ARHGAP31: variants seen among roughly 807,000 people sequenced by gnomAD.
ARHGAP31 encodes Rho GTPase activating protein 31.
Under a neutral mutation model 113.9 loss-of-function variants are expected in ARHGAP31, and 34 were observed. The observed-to-expected ratio is 0.30, with a 90% CI of 0.23 to 0.40. ARHGAP31 has a LOEUF of 0.40. ARHGAP31 is among the 10% of genes least tolerant of loss of function. The probability of loss-of-function intolerance (pLI) is 1.00; values close to 1 mark genes in which losing one functional copy is unlikely to be tolerated. For missense variants in ARHGAP31, 1,548 were observed against 1,767.1 expected (o/e 0.88, Z 2.22); for synonymous variants, 650 against 684.8 (o/e 0.95, Z 0.79).
rs1426931415 is a variant in ARHGAP31, at chr3:119,401,907, C to T, written c.1155C>T (p.Thr385=). The change falls in exon 10 of 12, where the codon ACC becomes ACT. Residue 385 remains threonine (T), a synonymous_variant. Coordinates refer to ENST00000264245, the MANE Select transcript of ARHGAP31 (RefSeq NM_020754.4). ...CAACAAAGATGCACTCCACCGGCAC[C>T]GGCAGCTCATGTGACCTCACCAAGC... is the stretch of plus-strand genomic sequence containing the variant. ...IPATKMHSTG[T]GSSCDLTKQE... is the part of the protein sequence containing the mutation. The T allele has an allele frequency of 1.9e-6, 3 of 1,614,112 alleles. No individual in the cohort carries two copies. Among genetic ancestry groups the T allele is most frequent in the South Asian group, 1.1e-5 (1 of 91,078 alleles).
At chr3:119,337,101 G>A (rs891736406) in intron 1 of ARHGAP31, among the ~76,000 whole-genome samples, 3 of 152,200 alleles carry the variant, frequency 2.0e-5, no homozygotes, top group African/African-American at 7.2e-5. Context: ...GTGAATAATG[G>A]TGCTGTGTCC....
chr3:119,392,795 C>A (rs1228690584), intron 7 of ARHGAP31, among the ~76,000 whole-genome samples: 1 of 152,260 alleles, frequency 6.6e-6, no homozygotes, highest in African/African-American at 2.4e-5. Context: ...CCAGGCCAGA[C>A]TCTTTTCCAG....
At chr3:119,351,274 C>T (rs950060114) in intron 1 of ARHGAP31, among the ~76,000 whole-genome samples, 1 of 152,174 alleles carries the variant, frequency 6.6e-6, no homozygotes, top group African/African-American at 2.4e-5. Context: ...TTATCTAAGT[C>T]GTTCTCTCTC....
intron 3 of ARHGAP31, 33 bp from the exon 4 acceptor site, chr3:119,380,871 A>G (rs965473995): frequency 1.9e-6 from 3 of 1,598,544 alleles, no homozygotes; most frequent in South Asian, 1.1e-5. Context: ...GCTCTCAAGC[A>G]CTCACCAGGC....
intron 6 of ARHGAP31, among the ~76,000 whole-genome samples, chr3:119,388,308 T>TATATATATATATATATATA (rs1553765977): frequency 0.04 from 5,348 of 133,168 alleles, 261 homozygotes; most frequent in East Asian, 0.064. Flanking sequence ...TGTATAATTT[T>TATATATATATATATATATA]TATATATATA....
At chr3:119,359,733 T>TG (rs201108597) in intron 1 of ARHGAP31, among the ~76,000 whole-genome samples, 55 of 152,022 alleles carry the variant, frequency 3.6e-4, no homozygotes, top group African/African-American at 1.2e-3. Flanking sequence ...TCTTGGATTC[T>TG]GGGGGGGAAA....
chr3:119,318,239 C>T (rs956073252), intron 1 of ARHGAP31, among the ~76,000 whole-genome samples: 1 of 152,280 alleles, frequency 6.6e-6, no homozygotes, highest in East Asian at 1.9e-4. Context: ...CACTGTACCC[C>T]AGCCTGGGTG....
At chr3:119,344,217 A>G (rs950875783) in intron 1 of ARHGAP31, among the ~76,000 whole-genome samples, 2 of 152,276 alleles carry the variant, frequency 1.3e-5, no homozygotes, top group Non-Finnish European at 1.5e-5. Context: ...TTCATTATTT[A>G]TCCGAAATTC....
chr3:119,415,820 GCT>G lies in ARHGAP31; in HGVS notation c.3895_3896del (p.Ser1299HisfsTer35). On this transcript the variant is annotated frameshift_variant, in exon 12 of 12. Transcript: ENST00000264245. LOFTEE classifies it high-confidence loss of function. The part of the protein sequence containing the change: ...LSPEPGSSNL[L>X]STQDAVVQCR... Reference sequence around the variant, plus strand: ...CTCCAGAACCAGGCTCGTCTAACCTGCTCTCCACCCAGGATGCAGTAGTGCAA... The same window carrying G: ...CTCCAGAACCAGGCTCGTCTAACCTGCTCCACCCAGGATGCAGTAGTGCAA... 6.2e-7 allele frequency: 1 copy of G among 1,614,230 alleles called. No individual in the cohort carries two copies. Among genetic ancestry groups the G allele is most frequent in the Non-Finnish European group, 8.5e-7 (1 of 1,180,042 alleles).
At chr3:119,352,074 A>G (rs2080115166) in intron 1 of ARHGAP31, among the ~76,000 whole-genome samples, 1 of 152,334 alleles carries the variant, frequency 6.6e-6, no homozygotes, top group Middle Eastern at 3.4e-3. Context: ...TTCTCCACAG[A>G]CAGTAGAAAG....
intron 11 of ARHGAP31, 50 bp downstream of exon 11, chr3:119,409,826 A>G: frequency 1.3e-6 from 2 of 1,525,302 alleles, no homozygotes; most frequent in Non-Finnish European, 1.8e-6. Context: ...ATTTTTTCCC[A>G]AGGGCTCTTG....
intron 6 of ARHGAP31, among the ~76,000 whole-genome samples, chr3:119,388,969 C>A (rs770920420): frequency 4.6e-5 from 7 of 152,042 alleles, no homozygotes; most frequent in Non-Finnish European, 1.0e-4. Context: ...CCAGTCTGGC[C>A]AACATGGAGA....
chr3:119,347,674 T>C (rs774497441), intron 1 of ARHGAP31, among the ~76,000 whole-genome samples: 3 of 152,178 alleles, frequency 2.0e-5, no homozygotes, highest in Non-Finnish European at 4.4e-5. Context: ...TGTCCTTGGG[T>C]ACCCAGAGTG....
intron 1 of ARHGAP31, chr3:119,298,808 C>T (rs187446036): frequency 2.2e-5 from 4 of 183,858 alleles, no homozygotes; most frequent in Non-Finnish European, 2.4e-5. Context: ...TAGAGGCCAC[C>T]GCTGTCAGGG....
intron 1 of ARHGAP31, among the ~76,000 whole-genome samples, chr3:119,327,930 G>T (rs533816317): frequency 1.1e-4 from 17 of 152,154 alleles, no homozygotes; most frequent in Non-Finnish European, 1.8e-4. Flanking sequence ...AATCCATCTT[G>T]CTACTGTTTA....
chr3:119,381,892 C>A (rs1038418471), intron 4 of ARHGAP31, among the ~76,000 whole-genome samples: 51 of 150,184 alleles, frequency 3.4e-4, no homozygotes, highest in Non-Finnish European at 4.9e-4. Context: ...AGGATGAGGC[C>A]AGAGAATGGC....
chr3:119,324,709 A>G (rs2079826535), intron 1 of ARHGAP31, among the ~76,000 whole-genome samples: 1 of 152,232 alleles, frequency 6.6e-6, no homozygotes, highest in South Asian at 2.1e-4. Context: ...GTGGAAAAAC[A>G]AAGAGTGGGG....
chr3:119,309,650 C>G (rs2079661581), intron 1 of ARHGAP31, among the ~76,000 whole-genome samples: 1 of 151,968 alleles, frequency 6.6e-6, no homozygotes, highest in Non-Finnish European at 1.5e-5. Context: ...GTCCCAGTTA[C>G]TCAGGAGGCT....
Position 119,413,998 on chromosome 3 carries a change from T to C in ARHGAP31, c.2069T>C (p.Leu690Pro), listed in dbSNP as rs2080742985. The change falls in exon 12 of 12, where the codon CTG (leucine) becomes CCG (proline). Residue 690 changes from leucine to proline, a missense_variant. Transcript: ENST00000264245. ...ATTCAGCCTATTCTCGAGTCGAGTC[T>C]GGGGCCCTTTATTCCCTCAGAGCCT... is the stretch of plus-strand genomic sequence containing the variant. ...SPIQPILESS[L>P]GPFIPSEPPG... The C allele has an allele frequency of 5.0e-6, 8 of 1,614,176 alleles. No individual in the cohort carries two copies. In the East Asian group the frequency reaches 1.8e-4, roughly 36 times the overall value.
Sources: gnomAD v4.1 joint callset for allele counts (sites outside exome capture counted in the v4.1 genomes callset) on GRCh38, gnomAD v4.1.1 for gene constraint, MANE v1.5 for transcripts, NCBI Gene and HGNC (gene_info 2026-07-23, HGNC 2026-07-21) for gene names.